The following BCAS3 variants were observed in gnomAD, a reference collection of about 807,000 sequenced individuals.
BCAS3 encodes the protein BCAS3 microtubule associated cell migration factor.
BCAS3 carries 53 observed loss-of-function variants against 116.1 expected under a neutral mutation model. That is an observed-to-expected ratio of 0.46 (90% CI 0.37 to 0.57). The LOEUF is 0.57. Ranked by LOEUF, BCAS3 falls within the 20% of genes least tolerant of loss-of-function variation. The pLI, the probability that BCAS3 is intolerant of heterozygous loss-of-function variation, is 0.00. For synonymous variants in BCAS3, 391 were observed against 408.2 expected, an observed-to-expected ratio of 0.96 and a Z score of 0.51; for missense variants, 917 against 1,165.4, an observed-to-expected ratio of 0.79 and a Z score of 3.10.
chr17:60,943,865 TAACAA>T (rs1448901113), intron 13 of BCAS3, among the ~76,000 whole-genome samples: 2 of 151,986 alleles, frequency 1.3e-5, no homozygotes, highest in Non-Finnish European at 2.9e-5. Context: ...AAATATTTGG[TAACAA>T]AACAATATAC....
chr17:60,947,293 T>C lies in BCAS3; in HGVS notation c.1162T>C (p.Ser388Pro), dbSNP rs750615863. 16 of 1,612,920 alleles carry C rather than the reference T, an allele frequency of 9.9e-6. No individual in the cohort carries two copies. In the South Asian group the frequency reaches 1.6e-4, roughly 17 times the overall value. ...CCAAATTCTGACTCATCCTTGGTCC[T>C]CATCACAATGTGCTGTCCACCATCT... The part of the protein sequence containing the change: ...VFQILTHPWS[S>P]SQCAVHHLYT... The change falls in exon 14 of 24, where the codon TCA becomes CCA. Residue 388 changes from serine to proline, a missense_variant. This residue lies in a region of BCAS3 where 807 missense variants were observed against 1,026.0 expected (regional missense o/e 0.79). Coordinates refer to ENST00000407086, the MANE Select transcript of BCAS3 (RefSeq NM_017679.5).
intron 22 of BCAS3, among the ~76,000 whole-genome samples, chr17:61,232,200 G>GAAAAAA (rs71148394): frequency 5.1e-4 from 37 of 72,288 alleles, no homozygotes; most frequent in South Asian, 1.2e-3. Flanking sequence ...GAAAGACTCC[G>GAAAAAA]AAAAAAAAAA....
chr17:61,177,949 G>GT (rs2079243116), intron 22 of BCAS3, among the ~76,000 whole-genome samples: 1 of 152,074 alleles, frequency 6.6e-6, no homozygotes, highest in South Asian at 2.1e-4. Context: ...CATTACATAA[G>GT]ACTATATACT....
In BCAS3 at chr17:61,365,292, C is replaced by G. The variant is rs1165658105; in HGVS notation, c.2426-3035C>G. Among the ~76,000 whole-genome samples, 2 of 152,168 alleles carry G rather than the reference C, an allele frequency of 1.3e-5. No individual in the cohort carries two copies. The highest frequency in any genetic ancestry group is 2.9e-5 in the Non-Finnish European group (2 of 68,028). ...ACCATCTCTTATGGACTGGGCCCAA[C>G]ATCTTACCCTAACCTTTCTTGCTAT... On this transcript the variant is annotated intron_variant, in intron 22 of 23. Coordinates refer to ENST00000407086, the MANE Select transcript of BCAS3 (RefSeq NM_017679.5). The surrounding 1 kb of genome is among the most constrained non-coding windows in gnomAD (Gnocchi z 4.6).
At chr17:61,091,940 T>A (rs1044204187) in intron 22 of BCAS3, among the ~76,000 whole-genome samples, 1 of 152,226 alleles carries the variant, frequency 6.6e-6, no homozygotes, top group Non-Finnish European at 1.5e-5. Context: ...TACAGCTTGA[T>A]GAATTTTTAT....
intron 7 of BCAS3, among the ~76,000 whole-genome samples, chr17:60,816,381 TCTC>T (rs1431872530): frequency 6.6e-6 from 1 of 151,566 alleles, no homozygotes; most frequent in Non-Finnish European, 1.5e-5. Flanking sequence ...TTCAAGCGAT[TCTC>T]CTGCCTCAGC....
intron 7 of BCAS3, among the ~76,000 whole-genome samples, chr17:60,831,519 G>T (rs2050927579): frequency 6.6e-6 from 1 of 152,146 alleles, no homozygotes; most frequent in Non-Finnish European, 1.5e-5. Context: ...TCCTTTGTTA[G>T]AAAACAATTG....
chr17:60,731,397 G>C (rs985327651), intron 5 of BCAS3, among the ~76,000 whole-genome samples: 3 of 152,184 alleles, frequency 2.0e-5, no homozygotes, highest in Admixed American at 6.5e-5. Context: ...ATTTTTAGTA[G>C]AGATGGGGTT....
At chr17:60,777,615 G>T (rs557901559) in intron 6 of BCAS3, among the ~76,000 whole-genome samples, 167 of 152,044 alleles carry the variant, frequency 1.1e-3, no homozygotes, top group African/African-American at 3.6e-3. Flanking sequence ...GACAGAGCGC[G>T]ACTCTGTCTC....
At chr17:60,775,697 T>C (rs2045217984) in intron 6 of BCAS3, among the ~76,000 whole-genome samples, 1 of 152,134 alleles carries the variant, frequency 6.6e-6, no homozygotes, top group Non-Finnish European at 1.5e-5. Context: ...CTTCTAATAT[T>C]AAAAGAAGGA....
At chr17:61,183,989 G>A (rs1458604393) in intron 22 of BCAS3, among the ~76,000 whole-genome samples, 1 of 152,168 alleles carries the variant, frequency 6.6e-6, no homozygotes, top group African/African-American at 2.4e-5. Flanking sequence ...CAGCTTAAGT[G>A]TTACACAGGA....
intron 15 of BCAS3, among the ~76,000 whole-genome samples, chr17:61,005,922 T>C (rs929731148): frequency 7.9e-5 from 12 of 152,074 alleles, no homozygotes; most frequent in African/African-American, 2.4e-4. Context: ...GCATTAGGTA[T>C]ATCTCCCAGT....
intron 22 of BCAS3, among the ~76,000 whole-genome samples, chr17:61,338,545 T>G (rs1049123655): frequency 6.6e-6 from 1 of 152,138 alleles, no homozygotes; most frequent in Non-Finnish European, 1.5e-5. Context: ...TCTTTAACTT[T>G]TTAATCATTT....
intron 13 of BCAS3, among the ~76,000 whole-genome samples, chr17:60,932,099 C>T (rs2059677492): frequency 6.6e-6 from 1 of 151,960 alleles, no homozygotes; most frequent in Non-Finnish European, 1.5e-5. Flanking sequence ...AAAATAATAT[C>T]TAACAAATAG....
Position 61,028,311 on chromosome 17 carries a change from A to G in BCAS3, c.1638-6355A>G, listed in dbSNP as rs904321588. The stretch of plus-strand genomic sequence containing the variant: ...ATAATTAGACACAGTTTGCAAAACT[A>G]TTCTAAACAAATTCAGGATATACAA... On this transcript the variant is annotated intron_variant, in intron 16 of 23. Coordinates refer to ENST00000407086, the MANE Select transcript of BCAS3 (RefSeq NM_017679.5). This position sits in a 1 kb window ranked among gnomAD's most constrained non-coding sequence, Gnocchi z 4.3. Among the ~76,000 whole-genome samples the G allele has an allele frequency of 4.6e-5, 7 of 151,988 alleles. No individual in the cohort carries two copies. The highest frequency in any genetic ancestry group is 1.7e-4 in the African/African-American group (7 of 41,554).
chr17:60,931,302 A>C (rs1444696579), intron 13 of BCAS3, among the ~76,000 whole-genome samples: 1 of 151,970 alleles, frequency 6.6e-6, no homozygotes, highest in Non-Finnish European at 1.5e-5. Context: ...TTGAGATGGA[A>C]CCTCGCTCTG....
chr17:61,063,215 G>C lies in BCAS3; in HGVS notation c.2030-11705G>C, dbSNP rs1016098890. Among the ~76,000 whole-genome samples the C allele has an allele frequency of 6.6e-6, 1 of 151,964 alleles. No individual in the cohort carries two copies. Among genetic ancestry groups the C allele is most frequent in the African/African-American group, 2.4e-5 (1 of 41,380 alleles). On this transcript the variant is annotated intron_variant, in intron 19 of 23. Transcript: ENST00000407086. This position sits in a 1 kb window ranked among gnomAD's most constrained non-coding sequence, Gnocchi z 5.3. ...TGCTTTGATTGTGCTTCGTCTCTTG[G>C]ATCCTACTATAACAGTAAAGCCATG...
In BCAS3 at chr17:61,285,133, C is replaced by T. The variant is rs1361073560; in HGVS notation, c.2426-83194C>T. On this transcript the variant is annotated intron_variant, in intron 22 of 23. Coordinates refer to ENST00000407086, the MANE Select transcript of BCAS3 (RefSeq NM_017679.5). This position sits in a 1 kb window ranked among gnomAD's most constrained non-coding sequence, Gnocchi z 5.4. ...ATTCAAACCAGCTATCCTGAAACTG[C>T]TTCCACCTGGGCAGACCAGGGACCA... 6.6e-6 allele frequency among the ~76,000 whole-genome samples: 1 copy of T among 152,128 alleles called. No individual in the cohort carries two copies. The highest frequency in any genetic ancestry group is 2.1e-4 in the South Asian group (1 of 4,822).
Position 61,276,374 on chromosome 17 carries a change from C to A in BCAS3, c.2426-91953C>A, listed in dbSNP as rs2058172. On this transcript the variant is annotated intron_variant, in intron 22 of 23. Coordinates refer to ENST00000407086, the MANE Select transcript of BCAS3 (RefSeq NM_017679.5). The surrounding 1 kb of genome is among the most constrained non-coding windows in gnomAD (Gnocchi z 4.2). The stretch of plus-strand genomic sequence containing the variant: ...TCTCAAAAACAAACAAACAAACAAA[C>A]AAAAATCACTTGTGTTTCTATACAG... Among the ~76,000 whole-genome samples, 78,928 of 151,792 alleles carry A rather than the reference C, an allele frequency of 0.52. 22,254 individuals carry two copies. Among genetic ancestry groups the A allele is most frequent in the Admixed American group, 0.68 (10,397 of 15,252 alleles).
Sources: allele counts gnomAD v4.1 joint callset (sites outside exome capture counted in the v4.1 genomes callset), GRCh38; gene constraint gnomAD v4.1.1; regional missense constraint gnomAD v4.1.1; non-coding constraint Gnocchi (gnomAD v3.1); transcripts MANE v1.5; gene names NCBI Gene and HGNC (gene_info 2026-07-23, HGNC 2026-07-21).